Variants in C2orf42 observed in about 807,000 individuals in gnomAD.
The protein encoded by C2orf42 is uncharacterized protein C2orf42.
In C2orf42, 44 loss-of-function variants were observed where a neutral mutation model predicts 58.9. The ratio of observed to expected loss-of-function variants is 0.75; its 90% confidence interval spans 0.59 to 0.96. The LOEUF is 0.96. Among genes scored for constraint, C2orf42 ranks in the 40% least tolerant of loss-of-function variants. C2orf42 has a pLI of 0.00. For synonymous variants in C2orf42, 239 were observed against 265.4 expected, an observed-to-expected ratio of 0.90 and a Z score of 0.97; for missense variants, 630 against 699.2, an observed-to-expected ratio of 0.90 and a Z score of 1.12.
At chr2:70,152,321 T>C (rs1672361938) in intron 9 of C2orf42, among the ~76,000 whole-genome samples, 2 of 152,236 alleles carry the variant, frequency 1.3e-5, no homozygotes, top group African/African-American at 2.4e-5. Context: ...ATCTAGTTCA[T>C]GTTTGTCACA....
At chr2:70,174,956 G>A (rs143138105) in intron 5 of C2orf42, among the ~76,000 whole-genome samples, 10 of 152,138 alleles carry the variant, frequency 6.6e-5, no homozygotes, top group African/African-American at 1.9e-4. Flanking sequence ...ACAGGCGTGA[G>A]CACCGTGCTC....
intron 4 of C2orf42, among the ~76,000 whole-genome samples, chr2:70,177,659 T>A (rs1188712557): frequency 1.3e-5 from 2 of 152,168 alleles, no homozygotes; most frequent in Non-Finnish European, 2.9e-5. Context: ...ACAAGCTATA[T>A]ACCAATGATT....
chr2:70,162,547 G>A (rs1244739882), intron 8 of C2orf42, among the ~76,000 whole-genome samples: 1 of 151,780 alleles, frequency 6.6e-6, no homozygotes, highest in Non-Finnish European at 1.5e-5. Flanking sequence ...GGGAGGCTGA[G>A]GTGGGAGAAT....
At chr2:70,190,644 G>A (rs1427751063) in intron 1 of C2orf42, 1 of 152,216 alleles carries the variant, frequency 6.6e-6, no homozygotes, top group Non-Finnish European at 1.5e-5. Flanking sequence ...GAAGACCGCC[G>A]GGGCCCTGCA....
At chr2:70,158,836 C>T (rs533987261) in intron 9 of C2orf42, among the ~76,000 whole-genome samples, 48 of 151,798 alleles carry the variant, frequency 3.2e-4, no homozygotes, top group Non-Finnish European at 5.6e-4. Context: ...AAGTAATCCA[C>T]TTGCCTAGGC....
intron 4 of C2orf42, among the ~76,000 whole-genome samples, chr2:70,176,309 C>A (rs1234082348): frequency 6.6e-6 from 1 of 152,054 alleles, no homozygotes; most frequent in Non-Finnish European, 1.5e-5. Flanking sequence ...TTGAGACCAT[C>A]CTGGCTAACA....
intron 1 of C2orf42, among the ~76,000 whole-genome samples, chr2:70,183,894 C>T (rs1674751167): frequency 6.6e-6 from 1 of 151,960 alleles, no homozygotes; most frequent in African/African-American, 2.4e-5. Context: ...CAGACTCAAC[C>T]TCCTGGGCTC....
At chr2:70,169,770 T>C (rs1462286763) in intron 5 of C2orf42, 109 bp from the exon 6 acceptor site, 2 of 615,650 alleles carry the variant, frequency 3.2e-6, no homozygotes, top group African/African-American at 3.7e-5. Context: ...TTTTATTTTA[T>C]TTTTTTGAGA....
chr2:70,159,696 G>A (rs1050245998), intron 9 of C2orf42, among the ~76,000 whole-genome samples: 1 of 152,156 alleles, frequency 6.6e-6, no homozygotes, highest in Admixed American at 6.6e-5. Flanking sequence ...ACTTAGAAGA[G>A]ATTTTAATTT....
chr2:70,180,768 G>A (rs1674504709), intron 3 of C2orf42, among the ~76,000 whole-genome samples: 1 of 151,624 alleles, frequency 6.6e-6, no homozygotes, highest in Non-Finnish European at 1.5e-5. Context: ...TTGGGAGGTT[G>A]AGGCAGGAGG....
At chr2:70,189,244 T>C (rs970106425) in intron 1 of C2orf42, among the ~76,000 whole-genome samples, 5 of 147,950 alleles carry the variant, frequency 3.4e-5, no homozygotes, top group African/African-American at 1.3e-4. Flanking sequence ...CTATCTCTAC[T>C]AAAAATACAA....
intron 1 of C2orf42, among the ~76,000 whole-genome samples, chr2:70,189,999 A>G (rs983266795): frequency 1.3e-5 from 2 of 152,186 alleles, no homozygotes; most frequent in Admixed American, 1.3e-4. Flanking sequence ...ACACACATAC[A>G]ATGTCTATTG....
chr2:70,150,967 A>C (rs1049662877), intron 9 of C2orf42, among the ~76,000 whole-genome samples: 1 of 152,100 alleles, frequency 6.6e-6, no homozygotes, highest in South Asian at 2.1e-4. Context: ...GGATGGCTCA[A>C]TCTCTTGACC....
intron 8 of C2orf42, among the ~76,000 whole-genome samples, chr2:70,161,434 A>C (rs1207578540): frequency 1.3e-5 from 2 of 152,140 alleles, no homozygotes; most frequent in Non-Finnish European, 2.9e-5. Context: ...CCTAAATGTC[A>C]TCCATTCCAG....
At position 70,181,742 on chromosome 2, in the gene C2orf42, G is replaced by A. The variant is rs758315659; in HGVS notation, c.244C>T (p.Arg82Trp). 1.2e-5 allele frequency: 19 copies of A among 1,613,972 alleles called. No homozygotes were observed. The highest frequency in any genetic ancestry group is 1.6e-4 in the Middle Eastern group (1 of 6,084). Residue 82 changes from arginine to tryptophan, a missense_variant, in exon 3 of 10, where the codon CGG (arginine) becomes TGG (tryptophan). By Grantham distance (101) the Arg-to-Trp change is moderately radical (BLOSUM62 -3). Transcript: ENST00000264434. ...LQVYSVRQRD[R>W]GPDYRCFVEL... is the part of the protein sequence containing the mutation. ...ACAAAGCATCGGTAATCAGGGCCCC[G>A]GTCTCTTTGCCGCACTGAGTAGACC... is the stretch of plus-strand genomic sequence containing the variant.
intron 5 of C2orf42, among the ~76,000 whole-genome samples, chr2:70,174,515 T>G (rs1290031315): frequency 6.6e-6 from 1 of 152,114 alleles, no homozygotes; most frequent in East Asian, 1.9e-4. Context: ...ACCAGCTTTA[T>G]GTACTTGTGT....
rs965223266 is a variant in C2orf42 at position 70,157,987 on chromosome 2, C to A, written c.1516+2638G>T. On this transcript the variant is annotated intron_variant, in intron 9 of 9. Coordinates refer to ENST00000264434, the MANE Select transcript of C2orf42 (RefSeq NM_017880.3). ...AGGCCGAGGTGGGCGGATCACCAGA[C>A]GTCCAGAGTTCGACATCAGCCTGGT... Among the ~76,000 whole-genome samples the A allele has an allele frequency of 2.0e-5, 3 of 152,058 alleles. No homozygotes were observed. The East Asian group carries it at 5.8e-4, about 29-fold the overall frequency.
At chr2:70,162,744 T>G (rs1673139543) in intron 8 of C2orf42, among the ~76,000 whole-genome samples, 1 of 152,196 alleles carries the variant, frequency 6.6e-6, no homozygotes, top group Non-Finnish European at 1.5e-5. Context: ...ATCGCTGGTA[T>G]TATAGCCACC....
intron 6 of C2orf42, among the ~76,000 whole-genome samples, 188 bp from the exon 7 acceptor site, chr2:70,165,823 T>C (rs1673360714): frequency 6.6e-6 from 1 of 152,128 alleles, no homozygotes; most frequent in Admixed American, 6.6e-5. Context: ...CTAGTCCTAC[T>C]GTTGATCCCT....
Sources: gnomAD v4.1 joint callset for allele counts (sites outside exome capture counted in the v4.1 genomes callset) on GRCh38, gnomAD v4.1.1 for gene constraint, MANE v1.5 for transcripts, NCBI Gene and HGNC (gene_info 2026-07-23, HGNC 2026-07-21) for gene names.